The following SEZ6L variants were observed in gnomAD, a reference collection of about 807,000 sequenced individuals.
SEZ6L encodes seizure 6-like protein.
In SEZ6L, 37 loss-of-function variants were observed where a neutral mutation model predicts 106.2. The observed-to-expected ratio is 0.35, with a 90% confidence interval of 0.27 to 0.46. The LOEUF (loss-of-function observed/expected upper bound fraction) is 0.46, where lower values mean the gene tolerates loss of function less well. SEZ6L is among the 20% of genes least tolerant of loss of function. The probability of loss-of-function intolerance (pLI) is 1.00; values close to 1 mark genes in which losing one functional copy is unlikely to be tolerated. For missense variants in SEZ6L, 1,172 were observed against 1,332.8 expected, an observed-to-expected ratio of 0.88 and a Z score of 1.88; for synonymous variants, 541 against 570.4, an observed-to-expected ratio of 0.95 and a Z score of 0.73.
At chr22:26,181,664 GA>G (rs1396810964) in intron 1 of SEZ6L, among the ~76,000 whole-genome samples, 1 of 152,166 alleles carries the variant, frequency 6.6e-6, no homozygotes, top group African/African-American at 2.4e-5. Context: ...ACTGTGAAAT[GA>G]AAATGATAAA....
intron 1 of SEZ6L, among the ~76,000 whole-genome samples, chr22:26,219,478 A>C (rs1357854451): frequency 6.6e-6 from 1 of 152,090 alleles, no homozygotes; most frequent in African/African-American, 2.4e-5. Context: ...TTGCTTCTTT[A>C]TTTTCCATAC....
intron 1 of SEZ6L, among the ~76,000 whole-genome samples, chr22:26,201,176 CAG>C (rs773843015): frequency 6.6e-6 from 1 of 152,026 alleles, no homozygotes; most frequent in Non-Finnish European, 1.5e-5. Context: ...GAGCCTCTGG[CAG>C]AGACTGGCAT....
intron 1 of SEZ6L, among the ~76,000 whole-genome samples, chr22:26,197,086 GAC>G (rs1001637383): frequency 1.3e-5 from 2 of 152,132 alleles, no homozygotes; most frequent in African/African-American, 4.8e-5. Flanking sequence ...CTTCCATACA[GAC>G]ACTACTTCTT....
At chr22:26,235,877 A>G (rs1473266762) in intron 1 of SEZ6L, among the ~76,000 whole-genome samples, 1 of 152,188 alleles carries the variant, frequency 6.6e-6, no homozygotes, top group Non-Finnish European at 1.5e-5. Context: ...AAAAGAAGGA[A>G]TATGATCAGA....
intron 12 of SEZ6L, 72 bp from the exon 13 acceptor site, chr22:26,365,300 A>T (rs79907981): frequency 7.3e-7 from 1 of 1,366,422 alleles, no homozygotes; most frequent in Admixed American, 1.9e-5. Context: ...AAGCTAGATC[A>T]CACGGGTTCT....
At chr22:26,320,343 C>T (rs1219366601) in intron 9 of SEZ6L, among the ~76,000 whole-genome samples, 3 of 152,118 alleles carry the variant, frequency 2.0e-5, no homozygotes, top group African/African-American at 4.8e-5. Flanking sequence ...GAACCACAGA[C>T]AGGCTCAGAA....
At chr22:26,348,656 AAGAAAGAAAGAAAGAAAG>A (rs2083129834) in intron 11 of SEZ6L, among the ~76,000 whole-genome samples, 1 of 46,640 alleles carries the variant, frequency 2.1e-5, no homozygotes, top group Non-Finnish European at 4.2e-5. Flanking sequence ...AAAAGAAAGA[AAGAAAGAAAGAAAGAAAG>A]AAAGAAAGAA....
intron 1 of SEZ6L, chr22:26,292,141 A>AAGG (rs1556313040): frequency 3.3e-5 from 10 of 301,808 alleles, no homozygotes; most frequent in Admixed American, 1.5e-4. Context: ...GGAAAGAAAG[A>AAGG]AAGAAAGGAA....
chr22:26,312,370 T>G (rs1569458270), intron 8 of SEZ6L, among the ~76,000 whole-genome samples: 1 of 152,178 alleles, frequency 6.6e-6, no homozygotes, highest in Non-Finnish European at 1.5e-5. Context: ...TGTGTGTGCA[T>G]TATCTGATTT....
rs1435377422 is a variant in SEZ6L at position 26,380,513 on chromosome 22, TGTTACA to T, written c.*220_*225del. ...TGTTTCGCGGCCTCAGCCAAATTCA[TGTTACA>T]GCCTCAATTCTGAAGGCAGGTGGAA... On this transcript the variant is annotated 3_prime_UTR_variant, in exon 17 of 17. Coordinates refer to ENST00000248933, the MANE Select transcript of SEZ6L (RefSeq NM_021115.5). The T allele has an allele frequency of 2.3e-6, 1 of 438,158 alleles. No individual in the cohort carries two copies. Among genetic ancestry groups the T allele is most frequent in the African/African-American group, 2.0e-5 (1 of 50,840 alleles). The allele number at this position is 438,158 out of a possible 1,614,324, so 27.1% of individuals were successfully genotyped here. A position where few individuals can be genotyped will look rare whatever the true frequency, so the allele number is the denominator to read the frequency against.
At chr22:26,174,478 G>C (rs1938844025) in intron 1 of SEZ6L, among the ~76,000 whole-genome samples, 1 of 152,188 alleles carries the variant, frequency 6.6e-6, no homozygotes, top group Non-Finnish European at 1.5e-5. Flanking sequence ...AACTTCACGG[G>C]CTGGGTAGAC....
chr22:26,270,068 T>C (rs557934888), intron 1 of SEZ6L, among the ~76,000 whole-genome samples: 3 of 152,324 alleles, frequency 2.0e-5, no homozygotes, highest in Non-Finnish European at 4.4e-5. Flanking sequence ...GGGACACTGC[T>C]AAGCCTGCCT....
At chr22:26,275,110 G>A (rs1471936989) in intron 1 of SEZ6L, among the ~76,000 whole-genome samples, 1 of 152,146 alleles carries the variant, frequency 6.6e-6, no homozygotes, top group African/African-American at 2.4e-5. Context: ...GACTGTGCAG[G>A]GTGTGGACAA....
Position 26,246,195 on chromosome 22 carries a change from G to A in SEZ6L, c.95-46211G>A, listed in dbSNP as rs369464339. On this transcript the variant is annotated intron_variant, in intron 1 of 16. Transcript: ENST00000248933. ...CACACTGGGTCTGGGTTCCATGTCC[G>A]TTTCCATTCTAGGTGATCCTAAATT... is the stretch of plus-strand genomic sequence containing the variant. Among the ~76,000 whole-genome samples, 13 of 152,162 alleles carry A rather than the reference G, an allele frequency of 8.5e-5. No homozygotes were observed. The East Asian group carries it at 1.2e-3, about 14-fold the overall frequency.
At chr22:26,216,970 A>G (rs910065102) in intron 1 of SEZ6L, among the ~76,000 whole-genome samples, 1 of 152,172 alleles carries the variant, frequency 6.6e-6, no homozygotes, top group Non-Finnish European at 1.5e-5. Context: ...TGTCAATGCC[A>G]GAGCTCTTAA....
rs2084279276 is a variant in SEZ6L at position 26,377,790 on chromosome 22, C to T, written c.3045+15C>T. On this transcript the variant is annotated intron_variant, in intron 16 of 16. Transcript: ENST00000248933. ...ACGAGACAGGGGTGAGTTGGTCTCTCTCGTCTCTTCCCAATTCCCTCCCTC... is the reference window on the plus strand; with the variant it reads ...ACGAGACAGGGGTGAGTTGGTCTCTTTCGTCTCTTCCCAATTCCCTCCCTC... 5.2e-6 allele frequency: 8 copies of T among 1,552,070 alleles called. No individual in the cohort carries two copies. The East Asian group carries it at 1.8e-4, about 35-fold the overall frequency.
intron 1 of SEZ6L, among the ~76,000 whole-genome samples, chr22:26,221,740 GCA>G (rs3222745): frequency 0.11 from 16,243 of 148,876 alleles, 1,078 homozygotes; most frequent in Admixed American, 0.21. Context: ...GCACACGCGT[GCA>G]CACACACACA....
At chr22:26,288,376 G>A (rs1009572790) in intron 1 of SEZ6L, among the ~76,000 whole-genome samples, 5 of 152,110 alleles carry the variant, frequency 3.3e-5, no homozygotes, top group African/African-American at 7.2e-5. Context: ...GATGTGATGG[G>A]TCTGAATTCT....
intron 11 of SEZ6L, among the ~76,000 whole-genome samples, chr22:26,349,169 C>T (rs1225830895): frequency 1.3e-5 from 2 of 152,136 alleles, no homozygotes; most frequent in South Asian, 2.1e-4. Flanking sequence ...TCTCACTTAT[C>T]CTCCATCCAA....
Sources: allele counts gnomAD v4.1 joint callset (sites outside exome capture counted in the v4.1 genomes callset), GRCh38; gene constraint gnomAD v4.1.1; transcripts MANE v1.5; gene names NCBI Gene and HGNC (gene_info 2026-07-23, HGNC 2026-07-21).